The following PDGFRL variants were observed in gnomAD, a reference collection of about 807,000 sequenced individuals.
The protein encoded by PDGFRL is platelet derived growth factor receptor like, also known as platelet-derived growth factor receptor-like protein.
In PDGFRL, 46 loss-of-function variants were observed where a neutral mutation model predicts 37.2. That is an observed-to-expected ratio of 1.24 (90% confidence interval 0.98 to 1.58). The LOEUF is 1.58. Ranked by LOEUF, PDGFRL falls within the 40% of genes most tolerant of loss-of-function variation. The pLI is 0.00. For missense variants in PDGFRL, 692 were observed against 467.6 expected (o/e 1.48, Z -4.43); for synonymous variants, 251 against 184.3 (o/e 1.36, Z -2.93).
intron 3 of PDGFRL, among the ~76,000 whole-genome samples, chr8:17,622,695 T>G (rs559264203): frequency 1.6e-4 from 25 of 152,284 alleles, no homozygotes; most frequent in Non-Finnish European, 2.1e-4. Context: ...GTAGAATTTA[T>G]TATGCGAAAA....
intron 3 of PDGFRL, among the ~76,000 whole-genome samples, chr8:17,626,162 C>T (rs984542774): frequency 2.0e-5 from 3 of 152,194 alleles, no homozygotes; most frequent in Non-Finnish European, 4.4e-5. Context: ...GCTAAGAAAA[C>T]ATCTTCAATA....
chr8:17,598,465 G>A (rs1252306853), intron 2 of PDGFRL, among the ~76,000 whole-genome samples: 1 of 152,200 alleles, frequency 6.6e-6, no homozygotes, highest in Non-Finnish European at 1.5e-5. Flanking sequence ...CAGAGCTCAG[G>A]AAGTATGTTT....
chr8:17,642,614 A>G lies in PDGFRL; in HGVS notation c.941A>G (p.Asp314Gly). ...EFTWIFPGQK[D>G]ERPVTIQDTW... ...GTCTTTGTGGGTGTCGTTAAACAGG[A>G]TGAAAGGCCTGTGACGATCCAAGAC... is the stretch of plus-strand genomic sequence containing the variant. Residue 314 changes from aspartate (D) to glycine (G), a missense_variant and splice_region_variant, in exon 6 of 6, where the codon GAT becomes GGT. Transcript: ENST00000251630. 1 of 1,599,824 alleles carries G rather than the reference A, an allele frequency of 6.3e-7. No individual in the cohort carries two copies. The highest frequency in any genetic ancestry group is 8.6e-7 in the Non-Finnish European group (1 of 1,167,122).
intron 2 of PDGFRL, among the ~76,000 whole-genome samples, chr8:17,612,216 A>T (rs960610116): frequency 8.5e-5 from 13 of 152,258 alleles, no homozygotes. Flanking sequence ...TTGTAAAACT[A>T]ACCTCCAGGT....
chr8:17,620,093 G>GAAAAAA, intron 2 of PDGFRL, among the ~76,000 whole-genome samples: 1 of 152,202 alleles, frequency 6.6e-6, no homozygotes, highest in East Asian at 1.9e-4. Flanking sequence ...CTACCAAGTA[G>GAAAAAA]CTAGGACTAC....
intron 2 of PDGFRL, chr8:17,596,233 G>T (rs1420344156): frequency 3.3e-6 from 2 of 612,984 alleles, no homozygotes; most frequent in African/African-American, 1.9e-5. Flanking sequence ...CTCTGACCGG[G>T]CTGGGGGTGT....
In PDGFRL at chr8:17,598,437, A is replaced by G. The variant is rs556949737; in HGVS notation, c.353+8672A>G. Among the ~76,000 whole-genome samples the G allele has an allele frequency of 1.8e-4, 27 of 152,316 alleles. No homozygotes were observed. The South Asian group carries it at 2.1e-3, about 12-fold the overall frequency. On this transcript the variant is annotated intron_variant, in intron 2 of 5. Transcript: ENST00000251630. ...TATCATCAGATTCCTAGCACCTAGA[A>G]CAATGTCTGACACATACCAGAGCTC...
chr8:17,610,079 T>A (rs888156196), intron 2 of PDGFRL, among the ~76,000 whole-genome samples: 2 of 152,150 alleles, frequency 1.3e-5, no homozygotes, highest in Non-Finnish European at 2.9e-5. Context: ...CATAATACAC[T>A]CACTGTGCCT....
chr8:17,616,169 A>ATTATTTATTTATTTAT (rs58323480), intron 2 of PDGFRL, among the ~76,000 whole-genome samples: 18 of 144,214 alleles, frequency 1.2e-4, no homozygotes, highest in East Asian at 6.3e-4. Context: ...TATTATTGTT[A>ATTATTTATTTATTTAT]TTATTTATTT....
At chr8:17,641,420 C>T (rs548565671) in intron 5 of PDGFRL, among the ~76,000 whole-genome samples, 1 of 152,278 alleles carries the variant, frequency 6.6e-6, no homozygotes, top group African/African-American at 2.4e-5. Context: ...GAGACAAAGT[C>T]AGAAATGGCT....
At position 17,599,700 on chromosome 8, in the gene PDGFRL, T is replaced by C. The variant is rs184559242; in HGVS notation, c.353+9935T>C. On this transcript the variant is annotated intron_variant, in intron 2 of 5. Coordinates refer to ENST00000251630, the MANE Select transcript of PDGFRL (RefSeq NM_001372073.1). Reference sequence around the variant, plus strand: ...CTCTAGAAAGGTCACTTTTTCTCTCTTCTTAAACCTCTCATCTTCATCTCT... The same window carrying C: ...CTCTAGAAAGGTCACTTTTTCTCTCCTCTTAAACCTCTCATCTTCATCTCT... Among the ~76,000 whole-genome samples, 251 of 152,342 alleles carry C rather than the reference T, an allele frequency of 1.6e-3. 3 individuals carry two copies. Among genetic ancestry groups the C allele is most frequent in the Non-Finnish European group, 1.2e-3 (81 of 68,036 alleles).
intron 1 of PDGFRL, among the ~76,000 whole-genome samples, chr8:17,580,073 G>A (rs1025458870): frequency 6.6e-6 from 1 of 152,168 alleles, no homozygotes; most frequent in African/African-American, 2.4e-5. Context: ...AAACACTGAA[G>A]TGTTAATATT....
chr8:17,619,666 G>T (rs984299060), intron 2 of PDGFRL, among the ~76,000 whole-genome samples: 2 of 152,278 alleles, frequency 1.3e-5, no homozygotes, highest in African/African-American at 4.8e-5. Flanking sequence ...TTAATGCAGA[G>T]ACTTATCTTT....
chr8:17,632,623 C>A lies in PDGFRL; in HGVS notation c.800-1451C>A, dbSNP rs182160596. Among the ~76,000 whole-genome samples the A allele has an allele frequency of 2.2e-4, 34 of 152,320 alleles. No individual in the cohort carries two copies. In the East Asian group the frequency reaches 5.8e-3, roughly 26 times the overall value. ...AAGTGCTGGGATTACAGGAGTGAGC[C>A]ACTGTGCCCGTTCCCTGATTTTAAT... On this transcript the variant is annotated intron_variant, in intron 4 of 5. Coordinates refer to ENST00000251630, the MANE Select transcript of PDGFRL (RefSeq NM_001372073.1).
upstream of PDGFRL, chr8:17,577,157 G>A: frequency 6.6e-7 from 1 of 1,514,728 alleles, no homozygotes; most frequent in South Asian, 1.2e-5. Flanking sequence ...TCCCGCTTCG[G>A]CGTCCCAGGA....
chr8:17,632,927 G>C (rs1585334683), intron 4 of PDGFRL, among the ~76,000 whole-genome samples: 6 of 152,108 alleles, frequency 3.9e-5, no homozygotes. Flanking sequence ...CCTCAAGGAA[G>C]CCCTTCCTGG....
chr8:17,603,466 C>T (rs1000255244), intron 2 of PDGFRL, among the ~76,000 whole-genome samples: 3 of 152,296 alleles, frequency 2.0e-5, no homozygotes, highest in Middle Eastern at 3.4e-3. Context: ...TTTTCAGGTG[C>T]TGAAATTGAT....
At chr8:17,634,234 T>A (rs781476130) in intron 5 of PDGFRL, 21 bp downstream of exon 5, 2 of 1,585,782 alleles carry the variant, frequency 1.3e-6, no homozygotes, top group East Asian at 4.5e-5. Context: ...TACCTGCATC[T>A]CAGCCCCTGC....
chr8:17,631,169 T>C (rs1274545663), intron 4 of PDGFRL, among the ~76,000 whole-genome samples: 7 of 152,082 alleles, frequency 4.6e-5, no homozygotes, highest in Non-Finnish European at 8.8e-5. Context: ...GGCAAGCAGT[T>C]CTCTGAGGCC....
Sources: allele counts gnomAD v4.1 joint callset (sites outside exome capture counted in the v4.1 genomes callset), GRCh38; gene constraint gnomAD v4.1.1; transcripts MANE v1.5; gene names NCBI Gene and HGNC (gene_info 2026-07-23, HGNC 2026-07-21).